Variants in PTGIS observed in about 807,000 individuals in gnomAD.
PTGIS encodes prostacyclin synthase.
A neutral mutation model predicts 50.3 loss-of-function variants in PTGIS; 45 were observed. The ratio of observed to expected loss-of-function variants is 0.90; its 90% CI spans 0.70 to 1.15. The LOEUF (loss-of-function observed/expected upper bound fraction) is 1.15. Ranked by LOEUF, PTGIS falls within the 50% of genes most tolerant of loss-of-function variation. The probability of loss-of-function intolerance (pLI) is 0.00; values close to 1 mark genes in which losing one functional copy is unlikely to be tolerated. For missense variants in PTGIS, 668 were observed against 661.3 expected (o/e 1.01, Z -0.11); for synonymous variants, 260 against 267.7 (o/e 0.97, Z 0.28).
In PTGIS at chr20:49,511,031, T is replaced by C. The variant is rs745520287; in HGVS notation, c.1355A>G (p.Lys452Arg). The change falls in exon 9 of 10, where the codon AAA becomes AGA. Residue 452 changes from lysine (K) to arginine (R), a missense_variant. Coordinates refer to ENST00000244043, the MANE Select transcript of PTGIS (RefSeq NM_000961.4). ...LGRSYAVNSI[K>R]QFVFLVLVHL... The stretch of plus-strand genomic sequence containing the variant: ...CCTGCCCTGGCCCCCCACTCACTGT[T>C]TGATGCTGTTGACCGCATAACTCCT... 4 of 1,613,140 alleles carry C rather than the reference T, an allele frequency of 2.5e-6. No individual in the cohort carries two copies. In the South Asian group the frequency reaches 4.4e-5, roughly 18 times the overall value.
chr20:49,561,497 C>T (rs6019901), intron 1 of PTGIS, among the ~76,000 whole-genome samples: 2,052 of 152,312 alleles, frequency 0.013, 52 homozygotes, highest in African/African-American at 0.045. Flanking sequence ...GAAGTCTCCA[C>T]GTGTCGTGCT....
At chr20:49,508,439 G>C (rs1315181897) in intron 9 of PTGIS, among the ~76,000 whole-genome samples, 1 of 152,186 alleles carries the variant, frequency 6.6e-6, no homozygotes, top group Non-Finnish European at 1.5e-5. Flanking sequence ...TCTGTGCACA[G>C]AGTGGGGAAG....
At chr20:49,526,488 G>A (rs1035953704) in intron 5 of PTGIS, among the ~76,000 whole-genome samples, 3 of 152,136 alleles carry the variant, frequency 2.0e-5, no homozygotes, top group African/African-American at 7.2e-5. Flanking sequence ...CTCTATATTT[G>A]CACAATCAAT....
intron 7 of PTGIS, 52 bp from the exon 8 acceptor site, chr20:49,513,313 C>A (rs1488853751): frequency 1.3e-6 from 2 of 1,570,726 alleles, no homozygotes; most frequent in South Asian, 1.1e-5. Context: ...TTCACCTGCT[C>A]ATATGCCAAC....
chr20:49,567,853 G>T (rs1314826509), intron 1 of PTGIS, among the ~76,000 whole-genome samples, 190 bp downstream of exon 1: 3 of 152,220 alleles, frequency 2.0e-5, no homozygotes, highest in Non-Finnish European at 4.4e-5. Context: ...TCTTGGCAGG[G>T]GGAGCACGGC....
chr20:49,568,032 A>G lies in PTGIS; in HGVS notation c.74+11T>C, dbSNP rs1982950730. Reference sequence around the variant, plus strand: ...TTTGTCTGGCGGGGCCGAGCGGAGCAGGACACTCACCGCGTGCGGCGGCGG... The same window carrying G: ...TTTGTCTGGCGGGGCCGAGCGGAGCGGGACACTCACCGCGTGCGGCGGCGG... On this transcript the variant is annotated intron_variant, in intron 1 of 9. Transcript: ENST00000244043. The G allele has an allele frequency of 2.0e-6, 3 of 1,482,426 alleles. No homozygotes were observed. Among genetic ancestry groups the G allele is most frequent in the African/African-American group, 1.5e-5 (1 of 68,148 alleles). 91.8% of individuals were successfully genotyped at this position (1,482,426 alleles called of 1,614,324 possible). A position where few individuals can be genotyped will look rare whatever the true frequency, so the allele number is the denominator to read the frequency against.
At chr20:49,563,983 T>C (rs1003394393) in intron 1 of PTGIS, among the ~76,000 whole-genome samples, 26 of 152,126 alleles carry the variant, frequency 1.7e-4, no homozygotes, top group Non-Finnish European at 3.2e-4. Context: ...AACTGAGGCC[T>C]GGGAAGCAGG....
At chr20:49,541,004 G>T (rs1258863346) in intron 4 of PTGIS, among the ~76,000 whole-genome samples, 1 of 152,218 alleles carries the variant, frequency 6.6e-6, no homozygotes, top group African/African-American at 2.4e-5. Flanking sequence ...AGAGAGGCCT[G>T]CGTGGTCCCT....
rs888842833 is a variant in PTGIS, at chr20:49,507,996, A to G, written c.1427T>C (p.Phe476Ser). ...LINADVEIPE[F>S]DLSRYGFGLM... ...ACCGAAGCCGTACCTGCTGAGGTCAAACTCAGGGATCTCCACATCTGCGTT... is the reference window on the plus strand; with the variant it reads ...ACCGAAGCCGTACCTGCTGAGGTCAGACTCAGGGATCTCCACATCTGCGTT... The change falls in exon 10 of 10, where the codon TTT (phenylalanine) becomes TCT (serine). Residue 476 changes from phenylalanine (F) to serine (S), a missense_variant. Transcript: ENST00000244043. 1.2e-6 allele frequency: 2 copies of G among 1,614,016 alleles called. No homozygotes were observed. The highest frequency in any genetic ancestry group is 1.7e-6 in the Non-Finnish European group (2 of 1,180,050).
chr20:49,514,113 G>T, intron 7 of PTGIS, 114 bp downstream of exon 7: 2 of 1,297,424 alleles, frequency 1.5e-6, no homozygotes, highest in Non-Finnish European at 2.2e-6. Flanking sequence ...GGAGACCCTA[G>T]GTCGGAGGAC....
intron 5 of PTGIS, among the ~76,000 whole-genome samples, chr20:49,530,257 G>A (rs898774551): frequency 3.9e-5 from 6 of 152,138 alleles, no homozygotes; most frequent in Non-Finnish European, 8.8e-5. Flanking sequence ...ACATCCACTG[G>A]GGGTCTTGGA....
intron 4 of PTGIS, among the ~76,000 whole-genome samples, chr20:49,541,895 C>A (rs546640864): frequency 6.6e-6 from 1 of 152,254 alleles, no homozygotes; most frequent in South Asian, 2.1e-4. Flanking sequence ...ACACGACCCA[C>A]AGGCGGCGCT....
Position 49,513,042 on chromosome 20 carries a change from C to T in PTGIS, c.1206+38G>A, listed in dbSNP as rs757892385. 3.7e-6 allele frequency: 6 copies of T among 1,612,270 alleles called. No homozygotes were observed. In the Admixed American group the frequency reaches 1.0e-4, roughly 27 times the overall value. Reference sequence around the variant, plus strand: ...CATCCCAAAGTCACTGATTGTTCTCCCACAGACCCCATATGACCAGGCGCC... The same window carrying T: ...CATCCCAAAGTCACTGATTGTTCTCTCACAGACCCCATATGACCAGGCGCC... On this transcript the variant is annotated intron_variant, in intron 8 of 9. Transcript: ENST00000244043.
At chr20:49,512,889 C>T (rs911918013) in intron 8 of PTGIS, among the ~76,000 whole-genome samples, 191 bp downstream of exon 8, 1 of 152,076 alleles carries the variant, frequency 6.6e-6, no homozygotes, top group Admixed American at 6.6e-5. Context: ...TCCTATCAAT[C>T]TCATGAGGCA....
At chr20:49,566,246 C>T (rs770573738) in intron 1 of PTGIS, among the ~76,000 whole-genome samples, 1 of 151,724 alleles carries the variant, frequency 6.6e-6, no homozygotes, top group African/African-American at 2.4e-5. Flanking sequence ...AACAAACAAA[C>T]AAAAAAAGAG....
chr20:49,550,692 C>T (rs936052282), intron 1 of PTGIS, among the ~76,000 whole-genome samples: 1 of 152,130 alleles, frequency 6.6e-6, no homozygotes. Flanking sequence ...TGCAGAGAAT[C>T]CCGAATCTCT....
At chr20:49,520,542 C>T (rs1288629649) in intron 6 of PTGIS, among the ~76,000 whole-genome samples, 1 of 152,108 alleles carries the variant, frequency 6.6e-6, no homozygotes, top group Non-Finnish European at 1.5e-5. Flanking sequence ...TCATGTTGGC[C>T]AGGCTGGTCT....
intron 6 of PTGIS, among the ~76,000 whole-genome samples, chr20:49,518,664 A>AC (rs560759095): frequency 3.7e-4 from 56 of 151,968 alleles, no homozygotes; most frequent in South Asian, 1.0e-3. Flanking sequence ...GACAAAAAAA[A>AC]AAACAAACAA....
At chr20:49,534,501 C>A (rs879407345) in intron 5 of PTGIS, among the ~76,000 whole-genome samples, 1 of 152,072 alleles carries the variant, frequency 6.6e-6, no homozygotes, top group East Asian at 1.9e-4. Flanking sequence ...AGTTCCTCTG[C>A]GTCTAATCAG....
Sources: gnomAD v4.1 joint callset for allele counts (sites outside exome capture counted in the v4.1 genomes callset) on GRCh38, gnomAD v4.1.1 for gene constraint, MANE v1.5 for transcripts, NCBI Gene and HGNC (gene_info 2026-07-23, HGNC 2026-07-21) for gene names.